The following HSPA12A variants were observed in gnomAD, a reference collection of about 807,000 sequenced individuals.
The protein encoded by HSPA12A is heat shock protein family A (Hsp70) member 12A, also known as heat shock 70 kDa protein 12A.
A neutral mutation model predicts 69.2 loss-of-function variants in HSPA12A; 28 were observed. That is an observed-to-expected ratio of 0.40 (90% CI 0.30 to 0.55). The LOEUF (loss-of-function observed/expected upper bound fraction) is 0.55. Among genes scored for constraint, HSPA12A ranks in the 20% least tolerant of loss-of-function variants. The probability of loss-of-function intolerance (pLI) is 0.38; values close to 1 mark genes in which losing one functional copy is unlikely to be tolerated. For missense variants in HSPA12A, 686 were observed against 900.7 expected, an observed-to-expected ratio of 0.76 and a Z score of 3.05; for synonymous variants, 345 against 370.5, an observed-to-expected ratio of 0.93 and a Z score of 0.79.
intron 1 of HSPA12A, among the ~76,000 whole-genome samples, chr10:116,712,031 T>C (rs1209535186): frequency 2.0e-5 from 3 of 151,982 alleles, no homozygotes; most frequent in Non-Finnish European, 4.4e-5. Flanking sequence ...CACAAAACTA[T>C]GGTTAAGCGG....
At chr10:116,682,397 T>C (rs1339619617) in intron 7 of HSPA12A, among the ~76,000 whole-genome samples, 1 of 151,394 alleles carries the variant, frequency 6.6e-6, no homozygotes, top group Non-Finnish European at 1.5e-5. Flanking sequence ...CAAGGAATTT[T>C]GTCTGATACA....
chr10:116,726,027 GCACACACACACACACACACA>G (rs71013613), intron 1 of HSPA12A, among the ~76,000 whole-genome samples: 1 of 146,112 alleles, frequency 6.8e-6, no homozygotes, highest in Non-Finnish European at 1.5e-5. Flanking sequence ...ACACACACAC[GCACACACACACACACACACA>G]CACACACAAC....
At chr10:116,801,938 C>T (rs975854011) in intron 2 of HSPA12A, among the ~76,000 whole-genome samples, 1 of 152,016 alleles carries the variant, frequency 6.6e-6, no homozygotes, top group African/African-American at 2.4e-5. Flanking sequence ...AATGGCTGTA[C>T]TATGTTTGCA....
intron 2 of HSPA12A, among the ~76,000 whole-genome samples, chr10:116,808,226 G>A (rs1260543718): frequency 1.4e-4 from 21 of 149,164 alleles, no homozygotes; most frequent in Non-Finnish European, 1.0e-4. Flanking sequence ...CCATCCTGGA[G>A]GTAGACAGTG....
chr10:116,817,565 T>A (rs1589723784), intron 2 of HSPA12A, among the ~76,000 whole-genome samples: 1 of 152,124 alleles, frequency 6.6e-6, no homozygotes, highest in East Asian at 1.9e-4. Flanking sequence ...CTACACATAA[T>A]GATCTTCTAT....
chr10:116,687,976 T>C (rs540255044), intron 6 of HSPA12A, among the ~76,000 whole-genome samples: 27 of 152,330 alleles, frequency 1.8e-4, no homozygotes, highest in African/African-American at 6.0e-4. Context: ...TCTTAAAACA[T>C]GATGAGTTTT....
In HSPA12A at chr10:116,747,998, T is replaced by A. The variant is rs1589683052; in HGVS notation, c.92-40713A>T. ...TGGGCAACGAGAGCAAAACTCCATC[T>A]CAAAAAAATAAAAAATAAATAAATA... is the stretch of plus-strand genomic sequence containing the variant. On this transcript the variant is annotated intron_variant, in intron 2 of 12. Transcript: ENST00000635765. Among the ~76,000 whole-genome samples, 4 of 151,838 alleles carry A rather than the reference T, an allele frequency of 2.6e-5. No individual in the cohort carries two copies. The South Asian group carries it at 8.3e-4, about 32-fold the overall frequency.
At position 116,845,388 on chromosome 10, in the gene HSPA12A, G is replaced by A. The variant is rs143836089; in HGVS notation, c.3+4178C>T. ...TTACTGACATAGATGGATCTTAGGGGCAACTGGGATTCCACCTTAGGTTTT... is the reference window on the plus strand; with the variant it reads ...TTACTGACATAGATGGATCTTAGGGACAACTGGGATTCCACCTTAGGTTTT... On this transcript the variant is annotated intron_variant, in intron 1 of 12. Transcript: ENST00000635765. Among the ~76,000 whole-genome samples, 330 of 152,236 alleles carry A rather than the reference G, an allele frequency of 2.2e-3. 8 individuals carry two copies. In the South Asian group the frequency reaches 0.035, roughly 16 times the overall value.
At position 116,754,235 on chromosome 10, in the gene HSPA12A, G is replaced by A. The variant is rs942322855; in HGVS notation, c.92-46950C>T. Among the ~76,000 whole-genome samples, 6 of 152,160 alleles carry A rather than the reference G, an allele frequency of 3.9e-5. No homozygotes were observed. The East Asian group carries it at 5.8e-4, about 15-fold the overall frequency. On this transcript the variant is annotated intron_variant, in intron 2 of 12. Transcript: ENST00000635765. ...TACCTGGACAGTCTTCACTCATAAC[G>A]GGGAAAACACACTGTCTTGACCCAT...
chr10:116,849,698 C>A, exon 1 of HSPA12A: 1 of 1,543,156 alleles, frequency 6.5e-7, no homozygotes, highest in South Asian at 1.2e-5. Context: ...ACTCCACCTT[C>A]TACCTCCAGC....
intron 2 of HSPA12A, among the ~76,000 whole-genome samples, chr10:116,766,574 T>G (rs1392079488): frequency 6.6e-6 from 1 of 152,152 alleles, no homozygotes; most frequent in African/African-American, 2.4e-5. Context: ...CTTGGAGGCA[T>G]TCAGAAGAAA....
At chr10:116,691,748 C>G (rs2907234) in intron 6 of HSPA12A, among the ~76,000 whole-genome samples, 4,037 of 152,362 alleles carry the variant, frequency 0.026, 184 homozygotes, top group African/African-American at 0.091. Context: ...ACTGGAGCAT[C>G]TGTCTCCCTG....
intron 2 of HSPA12A, chr10:116,834,829 AC>A: frequency 3.7e-6 from 2 of 537,310 alleles, no homozygotes; most frequent in Non-Finnish European, 5.5e-6. Context: ...AGAAGTTTAA[AC>A]GTCCCAGTTT....
At chr10:116,804,631 A>G (rs555543171) in intron 2 of HSPA12A, among the ~76,000 whole-genome samples, 10 of 152,156 alleles carry the variant, frequency 6.6e-5, no homozygotes, top group Non-Finnish European at 8.8e-5. Context: ...CCTACGCAAC[A>G]AAATCAAGTG....
At chr10:116,823,881 G>T (rs1386009692) in intron 2 of HSPA12A, among the ~76,000 whole-genome samples, 2 of 152,132 alleles carry the variant, frequency 1.3e-5, no homozygotes, top group East Asian at 3.8e-4. Context: ...AAAACCACAT[G>T]CAACAAGAAA....
chr10:116,734,056 G>T (rs1306158757), intron 1 of HSPA12A, among the ~76,000 whole-genome samples: 2 of 152,084 alleles, frequency 1.3e-5, no homozygotes, highest in African/African-American at 4.8e-5. Context: ...CTTGCTACCG[G>T]AACCTTTCCA....
At chr10:116,846,339 TTTTTG>T (rs1358501890) in intron 1 of HSPA12A, among the ~76,000 whole-genome samples, 3,619 of 146,600 alleles carry the variant, frequency 0.025, 109 homozygotes, top group African/African-American at 0.087. Context: ...TTCTTTTTTT[TTTTTG>T]TTTTTTTGTT....
In HSPA12A at chr10:116,707,157, A is replaced by G. The variant is rs572619174; in HGVS notation, c.126+43T>C. ...TGCTCATGCGCACCCATGCGCGCAC[A>G]CACACACACACACACACACACACAC... On this transcript the variant is annotated intron_variant, in intron 2 of 11. Transcript: ENST00000369209. 1,473 of 355,240 alleles carry G rather than the reference A, an allele frequency of 4.1e-3. 11 individuals carry two copies. The highest frequency in any genetic ancestry group is 0.027 in the African/African-American group (908 of 33,306). The allele number at this position is 355,240 out of a possible 1,614,324, so 22.0% of individuals were successfully genotyped here. A position where few individuals can be genotyped will look rare whatever the true frequency, so the allele number is the denominator to read the frequency against.
At chr10:116,679,880 ATAAG>A in intron 9 of HSPA12A, 119 bp from the exon 10 acceptor site, 1 of 1,000,228 alleles carries the variant, frequency 1.0e-6, no homozygotes, top group Non-Finnish European at 1.5e-6. Flanking sequence ...GACGGCAGCT[ATAAG>A]TGTTTACTTA....
Sources: allele counts gnomAD v4.1 joint callset (sites outside exome capture counted in the v4.1 genomes callset), GRCh38; gene constraint gnomAD v4.1.1; transcripts MANE v1.5; gene names NCBI Gene and HGNC (gene_info 2026-07-23, HGNC 2026-07-21).